The following ZMIZ1 variants were observed in gnomAD, a reference collection of about 807,000 sequenced individuals.
ZMIZ1 encodes the protein zinc finger MIZ domain-containing protein 1.
In ZMIZ1, 17 loss-of-function variants were observed where a neutral mutation model predicts 113.9. The ratio of observed to expected loss-of-function variants is 0.15; its 90% confidence interval spans 0.10 to 0.22. The LOEUF is 0.22. Ranked by LOEUF, ZMIZ1 falls within the 10% of genes least tolerant of loss-of-function variation. The pLI, the probability that ZMIZ1 is intolerant of heterozygous loss-of-function variation, is 1.00. For synonymous variants in ZMIZ1, 607 were observed against 603.1 expected (o/e 1.01, Z -0.09); for missense variants, 1,059 against 1,477.8 (o/e 0.72, Z 4.65).
At chr10:79,269,447 C>A (rs1293223173) in intron 7 of ZMIZ1, among the ~76,000 whole-genome samples, 1 of 92,944 alleles carries the variant, frequency 1.1e-5, no homozygotes, top group East Asian at 3.5e-4. Context: ...CCTCCCAACA[C>A]CTCCCCCCAA....
intron 7 of ZMIZ1, 69 bp from the exon 8 acceptor site, chr10:79,277,112 T>TGG (rs141066948): frequency 6.1e-5 from 84 of 1,373,258 alleles, no homozygotes; most frequent in Non-Finnish European, 6.8e-5. Flanking sequence ...TGGGGAGAGT[T>TGG]GGGGGGGGGT....
chr10:79,160,655 G>T (rs568572146), intron 3 of ZMIZ1, among the ~76,000 whole-genome samples: 2 of 152,382 alleles, frequency 1.3e-5, no homozygotes, highest in African/African-American at 4.8e-5. Flanking sequence ...TCAATCACCA[G>T]GCCTCTTTGC....
intron 7 of ZMIZ1, among the ~76,000 whole-genome samples, chr10:79,247,262 G>A (rs573903429): frequency 6.8e-4 from 103 of 152,342 alleles, no homozygotes; most frequent in African/African-American, 2.3e-3. Flanking sequence ...GTCCTCTAGA[G>A]GGAGAAAATG....
At chr10:79,256,891 GAAAAT>G (rs1649037467) in intron 7 of ZMIZ1, among the ~76,000 whole-genome samples, 1 of 152,158 alleles carries the variant, frequency 6.6e-6, no homozygotes, top group Non-Finnish European at 1.5e-5. Flanking sequence ...TTTCCATTAA[GAAAAT>G]AAAAAAGAGG....
chr10:79,280,036 T>C (rs1852615348), intron 8 of ZMIZ1, among the ~76,000 whole-genome samples: 2 of 151,120 alleles, frequency 1.3e-5, no homozygotes. Flanking sequence ...TCACCCAGGC[T>C]GTAGTACAGT....
rs894952768 is a variant in ZMIZ1, at chr10:79,312,874, G to A, written c.*125G>A. The A allele has an allele frequency of 4.7e-6, 4 of 848,134 alleles. No individual in the cohort carries two copies. The highest frequency in any genetic ancestry group is 7.4e-6 in the Non-Finnish European group (4 of 542,138). The allele number at this position is 848,134 out of a possible 1,614,324, so 52.5% of individuals were successfully genotyped here. On this transcript the variant is annotated 3_prime_UTR_variant, in exon 25 of 25. Coordinates refer to ENST00000334512, the MANE Select transcript of ZMIZ1 (RefSeq NM_020338.4). ...ACCAGAGCCACGGGCTGTGGGGCGG[G>A]GAGCCCTCCCCCGCTGCAGCCCTCT...
rs546510426 is a variant in ZMIZ1, at chr10:79,255,339, G to A, written c.281-21842G>A. On this transcript the variant is annotated intron_variant, in intron 7 of 24. Transcript: ENST00000334512. Reference sequence around the variant, plus strand: ...AGCCCTGAGGGGCAGGCAGTGCCTGGCCTGCCACCTGGCACCTGGGTTGCC... The same window carrying A: ...AGCCCTGAGGGGCAGGCAGTGCCTGACCTGCCACCTGGCACCTGGGTTGCC... 2.6e-5 allele frequency among the ~76,000 whole-genome samples: 4 copies of A among 152,352 alleles called. No homozygotes were observed. In the South Asian group the frequency reaches 8.3e-4, roughly 32 times the overall value.
chr10:79,215,300 C>T (rs886277690), intron 6 of ZMIZ1, among the ~76,000 whole-genome samples: 3 of 146,064 alleles, frequency 2.1e-5, no homozygotes, highest in East Asian at 2.0e-4. Flanking sequence ...TCTAAATCAC[C>T]GCTTTTTTTT....
chr10:79,230,907 A>G (rs1849369381), intron 7 of ZMIZ1, among the ~76,000 whole-genome samples: 1 of 152,238 alleles, frequency 6.6e-6, no homozygotes, highest in Non-Finnish European at 1.5e-5. Context: ...CCTCTAAAGA[A>G]GGAGGGCACA....
chr10:79,151,042 C>G (rs971531066), intron 3 of ZMIZ1, among the ~76,000 whole-genome samples: 1 of 152,038 alleles, frequency 6.6e-6, no homozygotes, highest in African/African-American at 2.4e-5. Context: ...GCAGAGGGGT[C>G]AGGGCACCAC....
At chr10:79,148,876 C>A (rs1489492267) in intron 3 of ZMIZ1, among the ~76,000 whole-genome samples, 1 of 152,222 alleles carries the variant, frequency 6.6e-6, no homozygotes, top group African/African-American at 2.4e-5. Context: ...AATTGAGTCC[C>A]TCCCGGGCTT....
chr10:79,119,116 T>G (rs1844179527), intron 2 of ZMIZ1, 92 bp downstream of exon 2: 1 of 152,274 alleles, frequency 6.6e-6, no homozygotes, highest in South Asian at 2.1e-4. Context: ...TGGTGCTGTT[T>G]CAGGGGCCCA....
At chr10:79,145,546 G>A (rs1845446282) in intron 3 of ZMIZ1, among the ~76,000 whole-genome samples, 1 of 152,016 alleles carries the variant, frequency 6.6e-6, no homozygotes, top group African/African-American at 2.4e-5. Flanking sequence ...AAAATGGGGT[G>A]ATAATTTTAC....
At chr10:79,107,122 G>A (rs1445803934) in intron 1 of ZMIZ1, among the ~76,000 whole-genome samples, 2 of 152,248 alleles carry the variant, frequency 1.3e-5, no homozygotes, top group Non-Finnish European at 1.5e-5. Context: ...GCAAGTGACT[G>A]GCTTGCGGCC....
At chr10:79,141,492 C>G (rs1387534130) in intron 3 of ZMIZ1, among the ~76,000 whole-genome samples, 2 of 152,036 alleles carry the variant, frequency 1.3e-5, no homozygotes, top group Non-Finnish European at 2.9e-5. Context: ...ACTGTAACCT[C>G]GACCTCCCCA....
In ZMIZ1 at chr10:79,297,651, A is replaced by G. The variant is rs768535674; in HGVS notation, c.1452A>G (p.Gly484=). The change falls in exon 14 of 25, where the codon GGA becomes GGG. Residue 484 remains glycine, a synonymous_variant. Coordinates refer to ENST00000334512, the MANE Select transcript of ZMIZ1 (RefSeq NM_020338.4). ...ATGGACAAAATAACACGTTCTCGGG[A>G]AGCAGCTACAGTAACTACAGCCAAG... ...QFNGQNNTFS[G]SSYSNYSQGN... The G allele has an allele frequency of 2.5e-6, 4 of 1,614,040 alleles. No individual in the cohort carries two copies. The Admixed American group carries it at 6.7e-5, about 27-fold the overall frequency.
intron 16 of ZMIZ1, among the ~76,000 whole-genome samples, chr10:79,299,776 A>C (rs963214209): frequency 1.3e-5 from 2 of 152,176 alleles, no homozygotes; most frequent in Admixed American, 6.5e-5. Context: ...ACAGAGGAGG[A>C]AGCTGAGGCT....
chr10:79,130,108 C>T (rs963983545), intron 2 of ZMIZ1, among the ~76,000 whole-genome samples: 1 of 152,204 alleles, frequency 6.6e-6, no homozygotes, highest in Non-Finnish European at 1.5e-5. Context: ...ATTAGGCCCC[C>T]TTAACCATCT....
intron 7 of ZMIZ1, among the ~76,000 whole-genome samples, chr10:79,235,491 A>T (rs1236609867): frequency 1.3e-5 from 2 of 152,168 alleles, no homozygotes; most frequent in Non-Finnish European, 2.9e-5. Flanking sequence ...CCACCAGTAC[A>T]GGGTCCCTTC....
Sources: gnomAD v4.1 joint callset for allele counts (sites outside exome capture counted in the v4.1 genomes callset) on GRCh38, gnomAD v4.1.1 for gene constraint, MANE v1.5 for transcripts, NCBI Gene and HGNC (gene_info 2026-07-23, HGNC 2026-07-21) for gene names.